TRPC5: variants seen among roughly 807,000 people sequenced by gnomAD.
The protein encoded by TRPC5 is transient receptor potential cation channel subfamily C member 5, also known as short transient receptor potential channel 5.
Under a neutral mutation model 56.5 loss-of-function variants are expected in TRPC5, and 9 were observed. That is an observed-to-expected ratio of 0.16 (90% CI 0.10 to 0.28). The LOEUF is 0.28. TRPC5 is among the 10% of genes least tolerant of loss of function. TRPC5 has a pLI of 1.00. For missense variants in TRPC5, 469 were observed against 748.9 expected, an observed-to-expected ratio of 0.63 and a Z score of 4.36; for synonymous variants, 282 against 278.5, an observed-to-expected ratio of 1.01 and a Z score of -0.13.
At chrX:112,002,302 A>C (rs182148618) in intron 1 of TRPC5, among the ~76,000 whole-genome samples, 1 of 111,177 alleles carries the variant, frequency 9.0e-6, no homozygotes, top group Admixed American at 9.6e-5. Flanking sequence ...TTCTAGTCAC[A>C]CTGGAACAGA....
At chrX:112,027,695 ACCGTGTTAGCCATGATGGTCTCGATCT>A (rs2147716120) in intron 1 of TRPC5, among the ~76,000 whole-genome samples, 1 of 110,188 alleles carries the variant, frequency 9.1e-6, no homozygotes, top group South Asian at 4.0e-4. Context: ...ACGGGGTTTC[ACCGTGTTAGCCATGATGGTCTCGATCT>A]CCTGACCTCA....
chrX:111,778,818 ATC>A (rs935638992), intron 10 of TRPC5, among the ~76,000 whole-genome samples, 165 bp downstream of exon 10: 1 of 111,731 alleles, frequency 9.0e-6, no homozygotes, highest in Non-Finnish European at 1.9e-5. Context: ...CATTGGTAAA[ATC>A]TCTCCGTCTA....
At chrX:111,834,194 T>G (rs968582337) in intron 7 of TRPC5, among the ~76,000 whole-genome samples, 43 of 112,464 alleles carry the variant, frequency 3.8e-4, no homozygotes, top group African/African-American at 1.3e-3. Context: ...TAATAAACAC[T>G]GCTGATCTAA....
At position 112,025,130 on chromosome X, in the gene TRPC5, T is replaced by A. The variant is rs1929381079; in HGVS notation, c.-22+56749A>T. Among the ~76,000 whole-genome samples, 3 of 111,807 alleles carry A rather than the reference T, an allele frequency of 2.7e-5. No homozygotes were observed. The Admixed American group carries it at 2.9e-4, about 11-fold the overall frequency. On this transcript the variant is annotated intron_variant, in intron 1 of 10. Transcript: ENST00000262839. Reference sequence around the variant, plus strand: ...ATACAATGCCTTTCAGGAAGAATGGTCTTTGTGGTCATGACAATTAAACAG... The same window carrying A: ...ATACAATGCCTTTCAGGAAGAATGGACTTTGTGGTCATGACAATTAAACAG...
chrX:112,078,241 T>G (rs1049019688), intron 1 of TRPC5, among the ~76,000 whole-genome samples: 19 of 110,896 alleles, frequency 1.7e-4, no homozygotes, highest in African/African-American at 6.2e-4. Flanking sequence ...TAGGGGGAGG[T>G]GGTGGTCAAG....
intron 1 of TRPC5, among the ~76,000 whole-genome samples, chrX:112,037,267 A>G (rs192655975): frequency 9.0e-6 from 1 of 111,096 alleles, no homozygotes; most frequent in East Asian, 2.8e-4. Context: ...CTTAGACCCT[A>G]CTTATCCTTT....
intron 3 of TRPC5, among the ~76,000 whole-genome samples, chrX:111,886,532 A>G (rs766956953): frequency 1.1e-4 from 12 of 111,767 alleles, no homozygotes; most frequent in Non-Finnish European, 2.1e-4. Context: ...TGAGCCTTGC[A>G]GCAGAGTTGA....
rs751395362 is a variant in TRPC5 at position 112,080,926 on chromosome X, A to G, written c.-22+953T>C. ...TGTAATCATTTCACATTTGAAGCCA[A>G]GGGTTAACATGCACAATCTCTAAAA... On this transcript the variant is annotated intron_variant, in intron 1 of 10. Coordinates refer to ENST00000262839, the MANE Select transcript of TRPC5 (RefSeq NM_012471.3). Among the ~76,000 whole-genome samples the G allele has an allele frequency of 4.0e-4, 45 of 112,444 alleles. No individual in the cohort carries two copies. The Admixed American group carries it at 4.0e-3, about 10-fold the overall frequency.
At position 111,781,992 on chromosome X, in the gene TRPC5, G is replaced by T. The variant is rs1945923776; in HGVS notation, c.2043C>A (p.Phe681Leu). 2 of 1,209,509 alleles carry T rather than the reference G, an allele frequency of 1.7e-6. No individual in the cohort carries two copies. The highest frequency in any genetic ancestry group is 2.2e-6 in the Non-Finnish European group (2 of 894,676). The part of the protein sequence containing the change: ...LYLGNWFNNT[F>L]CPKRDPDGRR... ...TACCGTCAGGGTCTCTTTTGGGGCA[G>T]AAGGTGTTGTTGAACCAGTTACCAA... The change falls in exon 8 of 11, where the codon TTC (phenylalanine) becomes TTA (leucine). Residue 681 changes from phenylalanine to leucine, a missense_variant. Coordinates refer to ENST00000262839, the MANE Select transcript of TRPC5 (RefSeq NM_012471.3).
rs747396405 is a variant in TRPC5, at chrX:112,045,077, C to G, written c.-22+36802G>C. Among the ~76,000 whole-genome samples the G allele has an allele frequency of 3.7e-4, 42 of 112,414 alleles. 1 individual carries two copies. The East Asian group carries it at 0.011, about 29-fold the overall frequency. On this transcript the variant is annotated intron_variant, in intron 1 of 10. Coordinates refer to ENST00000262839, the MANE Select transcript of TRPC5 (RefSeq NM_012471.3). Reference sequence around the variant, plus strand: ...ATAATAGATAGTCCTTCCGTTCCCCCATATCCATATCCCTGGAGCCTGTAA... The same window carrying G: ...ATAATAGATAGTCCTTCCGTTCCCCGATATCCATATCCCTGGAGCCTGTAA...
At chrX:111,876,001 A>G (rs1337164611) in intron 3 of TRPC5, 2 of 109,731 alleles carry the variant, frequency 1.8e-5, no homozygotes, top group Non-Finnish European at 3.8e-5. Context: ...TAAATGAAAC[A>G]CAACAATGTT....
intron 7 of TRPC5, among the ~76,000 whole-genome samples, chrX:111,800,582 T>C (rs1169114503): frequency 9.1e-6 from 1 of 110,434 alleles, no homozygotes; most frequent in Non-Finnish European, 1.9e-5. Flanking sequence ...CTGGCCAACA[T>C]GGTGAAACCC....
intron 1 of TRPC5, among the ~76,000 whole-genome samples, chrX:111,980,994 T>G (rs1409600708): frequency 9.3e-6 from 1 of 107,743 alleles, no homozygotes; most frequent in Non-Finnish European, 1.9e-5. Flanking sequence ...TGTATATGTA[T>G]ATACAGAGAA....
intron 3 of TRPC5, among the ~76,000 whole-genome samples, chrX:111,856,601 A>C (rs1025620090): frequency 8.5e-5 from 9 of 105,611 alleles, no homozygotes; most frequent in African/African-American, 3.2e-4. Flanking sequence ...AGATCACTTG[A>C]GGTCAGGAGT....
intron 7 of TRPC5, among the ~76,000 whole-genome samples, chrX:111,794,438 T>G (rs996096711): frequency 1.8e-5 from 2 of 111,919 alleles, no homozygotes; most frequent in African/African-American, 6.5e-5. Context: ...TTCTGTTAAG[T>G]CTTCTAGTCC....
chrX:111,908,605 T>C (rs1925704768), intron 3 of TRPC5, among the ~76,000 whole-genome samples: 1 of 111,413 alleles, frequency 9.0e-6, no homozygotes, highest in Admixed American at 9.6e-5. Flanking sequence ...TGTGACCTGA[T>C]TGAAATAATT....
chrX:111,897,714 C>T (rs142022149), intron 3 of TRPC5, among the ~76,000 whole-genome samples: 130 of 111,398 alleles, frequency 1.2e-3, no homozygotes, highest in African/African-American at 4.1e-3. Flanking sequence ...CTCAGTAGTG[C>T]CTTTCTTTTT....
intron 2 of TRPC5, among the ~76,000 whole-genome samples, chrX:111,945,761 T>A (rs1926917989): frequency 8.9e-6 from 1 of 111,918 alleles, no homozygotes; most frequent in African/African-American, 3.2e-5. Flanking sequence ...CTAAAGCCCT[T>A]GCCCAGTAAA....
intron 3 of TRPC5, among the ~76,000 whole-genome samples, chrX:111,898,724 G>A (rs1437356955): frequency 4.5e-5 from 5 of 110,362 alleles, no homozygotes; most frequent in Non-Finnish European, 9.5e-5. Flanking sequence ...GAAAATGTGA[G>A]CTAGTTATAG....
Sources: allele counts gnomAD v4.1 joint callset (sites outside exome capture counted in the v4.1 genomes callset), GRCh38; gene constraint gnomAD v4.1.1; transcripts MANE v1.5; gene names NCBI Gene and HGNC (gene_info 2026-07-23, HGNC 2026-07-21).